RARB: variants seen among roughly 807,000 people sequenced by gnomAD.
The protein encoded by RARB is retinoic acid receptor beta, also known as HBV-activated protein.
Under a neutral mutation model 51.9 loss-of-function variants are expected in RARB, and 17 were observed. The ratio of observed to expected loss-of-function variants is 0.33; its 90% CI spans 0.22 to 0.49. RARB has a LOEUF of 0.49. Ranked by LOEUF, RARB falls within the 20% of genes least tolerant of loss-of-function variation. The probability of loss-of-function intolerance (pLI) is 0.99; values close to 1 mark genes in which losing one functional copy is unlikely to be tolerated. For synonymous variants in RARB, 215 were observed against 195.4 expected, an observed-to-expected ratio of 1.10 and a Z score of -0.84; for missense variants, 369 against 550.8, an observed-to-expected ratio of 0.67 and a Z score of 3.30.
At chr3:24,867,747 T>A (rs1326561281) in intron 2 of RARB, among the ~76,000 whole-genome samples, 1 of 150,646 alleles carries the variant, frequency 6.6e-6, no homozygotes, top group Non-Finnish European at 1.5e-5. Context: ...TCTATCCTCC[T>A]CTTGTTCAGG....
At chr3:25,236,793 A>G (rs1323866730) in intron 5 of RARB, among the ~76,000 whole-genome samples, 3 of 151,944 alleles carry the variant, frequency 2.0e-5, no homozygotes, top group Admixed American at 6.6e-5. Context: ...TCCTCATGCA[A>G]TACATTTTAT....
intron 2 of RARB, among the ~76,000 whole-genome samples, chr3:25,485,597 TATTAA>T (rs1290758629): frequency 9.9e-5 from 15 of 152,128 alleles, no homozygotes; most frequent in African/African-American, 3.6e-4. Flanking sequence ...CGGTTCTTTG[TATTAA>T]ATTATATTCA....
intron 1 of RARB, among the ~76,000 whole-genome samples, chr3:25,435,334 C>A (rs1708388330): frequency 6.6e-6 from 1 of 152,148 alleles, no homozygotes; most frequent in Non-Finnish European, 1.5e-5. Flanking sequence ...GAGAGAAGAT[C>A]TGGATCACAT....
chr3:25,128,454 TTCTAGTATACTATATACTAGAAATATA>T (rs949482141), intron 3 of RARB, among the ~76,000 whole-genome samples: 2 of 148,666 alleles, frequency 1.3e-5, no homozygotes, highest in African/African-American at 4.9e-5. Context: ...ATTTATATAT[TTCTAGTATACTATATACTAGAAATATA>T]TCTAGTATAT....
At chr3:25,005,684 G>C (rs572050561) in intron 2 of RARB, among the ~76,000 whole-genome samples, 2 of 152,234 alleles carry the variant, frequency 1.3e-5, no homozygotes, top group South Asian at 4.1e-4. Context: ...TTTAGTGTGG[G>C]AGGGGACTAC....
chr3:25,065,723 C>A (rs1017805718), intron 3 of RARB, among the ~76,000 whole-genome samples: 2 of 152,122 alleles, frequency 1.3e-5, no homozygotes, highest in African/African-American at 2.4e-5. Flanking sequence ...ATCTGGCATG[C>A]AAATGCTCTA....
At position 25,519,042 on chromosome 3, in the gene RARB, C is replaced by A. The variant is rs556031180; in HGVS notation, c.448+17719C>A. On this transcript the variant is annotated intron_variant, in intron 3 of 7. Coordinates refer to ENST00000330688, the MANE Select transcript of RARB (RefSeq NM_000965.5). ...CACCTACACAGAGTCACAGTGTATG[C>A]TCTTTTGTGTCTAGCTTCTTTCATT... 2.6e-4 allele frequency among the ~76,000 whole-genome samples: 39 copies of A among 152,256 alleles called. 1 individual carries two copies. In the South Asian group the frequency reaches 7.2e-3, roughly 28 times the overall value.
intron 5 of RARB, among the ~76,000 whole-genome samples, chr3:25,285,526 G>C (rs1575283641): frequency 6.6e-6 from 1 of 152,166 alleles, no homozygotes; most frequent in Non-Finnish European, 1.5e-5. Flanking sequence ...GAAACAGTTG[G>C]AGTTGAACTT....
At chr3:25,425,612 A>G (rs1707967214), upstream of RARB, among the ~76,000 whole-genome samples, 1 of 152,196 alleles carries the variant, frequency 6.6e-6, no homozygotes, top group Non-Finnish European at 1.5e-5. Flanking sequence ...TGAGAACTTC[A>G]AGGTAATTAT....
intron 2 of RARB, among the ~76,000 whole-genome samples, chr3:25,050,878 G>C (rs1010219625): frequency 1.3e-5 from 2 of 152,062 alleles, no homozygotes; most frequent in African/African-American, 4.8e-5. Flanking sequence ...AAATGAACTT[G>C]CTTCTTGTTG....
intron 5 of RARB, among the ~76,000 whole-genome samples, chr3:25,197,177 C>T (rs1305633403): frequency 6.6e-6 from 1 of 152,032 alleles, no homozygotes; most frequent in African/African-American, 2.4e-5. Flanking sequence ...CCTAGGTTGT[C>T]TTCTAGGGTT....
Position 25,248,420 on chromosome 3 carries a change from A to C in RARB, c.178+73845A>C, listed in dbSNP as rs542959114. Among the ~76,000 whole-genome samples the C allele has an allele frequency of 2.0e-5, 3 of 152,170 alleles. No individual in the cohort carries two copies. In the Middle Eastern group the frequency reaches 0.01, roughly 518 times the overall value. On this transcript the variant is annotated intron_variant, in intron 5 of 11. Transcript: ENST00000383772. Reference sequence around the variant, plus strand: ...CTCCTATTATTTTATTAATTGAGCTATTGTTATTTTGAATATTCTTTGTTT... The same window carrying C: ...CTCCTATTATTTTATTAATTGAGCTCTTGTTATTTTGAATATTCTTTGTTT...
At chr3:25,003,399 A>G (rs1465083551) in intron 2 of RARB, among the ~76,000 whole-genome samples, 1 of 152,126 alleles carries the variant, frequency 6.6e-6, no homozygotes, top group African/African-American at 2.4e-5. Context: ...AGTCTATTTT[A>G]TTATTAAATA....
upstream of RARB, among the ~76,000 whole-genome samples, chr3:25,425,847 C>T (rs1404723899): frequency 2.0e-5 from 3 of 152,176 alleles, no homozygotes; most frequent in Non-Finnish European, 2.9e-5. Context: ...TTCCCTGGGA[C>T]CAGTGCATCT....
chr3:25,135,744 C>T (rs552066690), intron 4 of RARB, among the ~76,000 whole-genome samples: 1 of 151,878 alleles, frequency 6.6e-6, no homozygotes, highest in South Asian at 2.1e-4. Flanking sequence ...GTGTATGAAA[C>T]ACAAATAAAA....
At chr3:24,902,849 T>C (rs1703636927) in intron 2 of RARB, among the ~76,000 whole-genome samples, 1 of 152,210 alleles carries the variant, frequency 6.6e-6, no homozygotes, top group Admixed American at 6.5e-5. Context: ...ACATTAATTA[T>C]ATATTACTAA....
chr3:24,945,899 A>G (rs891223069), intron 2 of RARB, among the ~76,000 whole-genome samples: 3 of 152,208 alleles, frequency 2.0e-5, no homozygotes, highest in Non-Finnish European at 2.9e-5. Flanking sequence ...AGTCTCCTCC[A>G]AAGTTTATCT....
intron 5 of RARB, among the ~76,000 whole-genome samples, chr3:25,334,747 C>T (rs1046199922): frequency 7.2e-5 from 11 of 151,882 alleles, no homozygotes; most frequent in African/African-American, 2.4e-4. Context: ...AAAAGTGGAG[C>T]GGGAAGGAAA....
chr3:25,371,857 A>G (rs1002688899), intron 5 of RARB, among the ~76,000 whole-genome samples: 1 of 152,244 alleles, frequency 6.6e-6, no homozygotes, highest in Non-Finnish European at 1.5e-5. Context: ...GCGAAAATAA[A>G]TTCTGATGTG....
Sources: gnomAD v4.1 joint callset for allele counts (sites outside exome capture counted in the v4.1 genomes callset) on GRCh38, gnomAD v4.1.1 for gene constraint, MANE v1.5 for transcripts, NCBI Gene and HGNC (gene_info 2026-07-23, HGNC 2026-07-21) for gene names.